The following RASSF3 variants were observed in gnomAD, a reference collection of about 807,000 sequenced individuals.
The protein encoded by RASSF3 is Ras association domain family member 3, also known as ras association domain-containing protein 3.
RASSF3 carries 19 observed loss-of-function variants against 19.9 expected under a neutral mutation model. That is an observed-to-expected ratio of 0.96 (90% CI 0.67 to 1.40). The LOEUF (loss-of-function observed/expected upper bound fraction) is 1.40. Among genes scored for constraint, RASSF3 ranks in the 40% most tolerant of loss-of-function variants. The pLI is 0.00. For missense variants in RASSF3, 306 were observed against 289.8 expected, an observed-to-expected ratio of 1.06 and a Z score of -0.41; for synonymous variants, 110 against 104.2, an observed-to-expected ratio of 1.06 and a Z score of -0.34.
At chr12:64,551,608 G>A (rs562273394) in intron 2 of RASSF3, among the ~76,000 whole-genome samples, 45 of 152,298 alleles carry the variant, frequency 3.0e-4, no homozygotes, top group African/African-American at 1.1e-3. Context: ...ATGTAATCAT[G>A]TCTACTACTT....
At chr12:64,622,113 C>T (rs1870793169) in intron 1 of RASSF3, among the ~76,000 whole-genome samples, 1 of 152,022 alleles carries the variant, frequency 6.6e-6, no homozygotes, top group African/African-American at 2.4e-5. Context: ...TGCAGTGGCG[C>T]GATCTTGGCT....
At chr12:64,675,210 T>A (rs1872852891) in intron 1 of RASSF3, among the ~76,000 whole-genome samples, 1 of 152,184 alleles carries the variant, frequency 6.6e-6, no homozygotes, top group Non-Finnish European at 1.5e-5. Flanking sequence ...AAGAAATATT[T>A]GTTCCTTTAT....
chr12:64,648,911 T>G (rs1871837989), intron 1 of RASSF3, among the ~76,000 whole-genome samples: 1 of 147,944 alleles, frequency 6.8e-6, no homozygotes, highest in Admixed American at 6.8e-5. Flanking sequence ...ACTCAGGTGA[T>G]CCTCACCCCT....
intron 2 of RASSF3, among the ~76,000 whole-genome samples, chr12:64,569,166 A>G (rs1869478820): frequency 6.6e-6 from 1 of 152,252 alleles, no homozygotes; most frequent in Non-Finnish European, 1.5e-5. Context: ...TCAGTGACCC[A>G]GACATACAAA....
intron 1 of RASSF3, among the ~76,000 whole-genome samples, chr12:64,668,777 G>A (rs753282843): frequency 5.9e-5 from 9 of 151,514 alleles, no homozygotes; most frequent in Non-Finnish European, 1.2e-4. Context: ...TGCCTTCCGG[G>A]TTCACGCCAT....
intron 1 of RASSF3, among the ~76,000 whole-genome samples, chr12:64,509,997 G>A (rs535866141): frequency 3.3e-5 from 5 of 151,506 alleles, no homozygotes; most frequent in African/African-American, 9.7e-5. Context: ...TGAGGCAGGA[G>A]AATTGCTTGA....
chr12:64,589,083 A>G (rs1476339794), intron 2 of RASSF3, among the ~76,000 whole-genome samples: 7 of 152,236 alleles, frequency 4.6e-5, no homozygotes, highest in Non-Finnish European at 1.5e-5. Flanking sequence ...AACACCAAAT[A>G]TGCTACATAA....
At chr12:64,643,454 G>A (rs2136184950) in intron 1 of RASSF3, among the ~76,000 whole-genome samples, 1 of 152,158 alleles carries the variant, frequency 6.6e-6, no homozygotes, top group South Asian at 2.1e-4. Flanking sequence ...GACCGCTTGA[G>A]CCGAGGAAGG....
upstream of RASSF3, among the ~76,000 whole-genome samples, chr12:64,532,673 A>T (rs202092380): frequency 4.0e-4 from 59 of 148,966 alleles, no homozygotes; most frequent in East Asian, 5.5e-3. Flanking sequence ...AAAAAAAAAA[A>T]TTTTTTTTTT....
At chr12:64,530,156 G>A (rs577482945), upstream of RASSF3, among the ~76,000 whole-genome samples, 10 of 152,180 alleles carry the variant, frequency 6.6e-5, no homozygotes, top group African/African-American at 2.4e-4. Context: ...TGTCATTATA[G>A]ATTAGTTTGC....
At chr12:64,586,651 T>G (rs1329497166) in intron 2 of RASSF3, among the ~76,000 whole-genome samples, 3 of 151,476 alleles carry the variant, frequency 2.0e-5, no homozygotes, top group African/African-American at 7.3e-5. Flanking sequence ...GGCCAGGCAT[T>G]ATGGCTCACG....
intron 2 of RASSF3, among the ~76,000 whole-genome samples, chr12:64,580,123 G>A (rs1185025760): frequency 2.0e-5 from 3 of 151,810 alleles, no homozygotes; most frequent in East Asian, 3.9e-4. Flanking sequence ...CCTTTTTTGT[G>A]TTTTGATTCT....
chr12:64,603,030 C>T (rs1329208180), intron 2 of RASSF3, among the ~76,000 whole-genome samples: 1 of 151,704 alleles, frequency 6.6e-6, no homozygotes, highest in Admixed American at 6.6e-5. Flanking sequence ...ACCTGGGAGG[C>T]GGAGGTTGCA....
chr12:64,634,940 TTTC>T (rs1014533001), intron 1 of RASSF3, among the ~76,000 whole-genome samples: 21 of 148,584 alleles, frequency 1.4e-4, no homozygotes, highest in African/African-American at 4.5e-4. Flanking sequence ...CCATGCATAG[TTTC>T]TTCTTTTTCT....
intron 2 of RASSF3, among the ~76,000 whole-genome samples, chr12:64,557,966 G>A (rs1869281109): frequency 6.6e-6 from 1 of 152,146 alleles, no homozygotes; most frequent in Admixed American, 6.5e-5. Context: ...ACCCCAGACA[G>A]TCATGCTGGC....
Position 64,694,870 on chromosome 12 carries a change from G to A in RASSF3, c.675G>A (p.Gln225=). ...AGAGGCGCTACACAGCCTACAGGCA[G>A]AAGCTGGAAGAAGCCCTCCGTGAGG... ...NLKRRYTAYR[Q]KLEEALREVW... is the part of the protein sequence containing the mutation. Residue 225 remains glutamine, a synonymous_variant, in exon 5 of 5, where the codon CAG becomes CAA. Transcript: ENST00000542104. The A allele has an allele frequency of 6.2e-7, 1 of 1,614,258 alleles. No individual in the cohort carries two copies. The highest frequency in any genetic ancestry group is 2.2e-5 in the East Asian group (1 of 44,882).
intron 1 of RASSF3, among the ~76,000 whole-genome samples, chr12:64,650,408 CTTTTTTTTTTTTTTTT>C (rs67304103): frequency 1.2e-5 from 1 of 85,472 alleles, no homozygotes; most frequent in South Asian, 5.0e-4. Flanking sequence ...TTTTTTTTTC[CTTTTTTTTTTTTTTTT>C]TTTTTTTTGA....
intron 1 of RASSF3, among the ~76,000 whole-genome samples, chr12:64,682,582 A>G (rs529767656): frequency 1.3e-5 from 2 of 151,486 alleles, no homozygotes; most frequent in Admixed American, 1.3e-4. Context: ...AAAAAAAAAA[A>G]GAAAAGTCAC....
chr12:64,684,968 A>G (rs2136219221), intron 2 of RASSF3, 74 bp downstream of exon 2: 1 of 852,372 alleles, frequency 1.2e-6, no homozygotes, highest in East Asian at 2.4e-5. Flanking sequence ...TACAATCTAT[A>G]GTTCTAAATA....
Sources: allele counts gnomAD v4.1 joint callset (sites outside exome capture counted in the v4.1 genomes callset), GRCh38; gene constraint gnomAD v4.1.1; transcripts MANE v1.5; gene names NCBI Gene and HGNC (gene_info 2026-07-23, HGNC 2026-07-21).